WNK2: variants seen among roughly 807,000 people sequenced by gnomAD.
The protein encoded by WNK2 is WNK lysine deficient protein kinase 2.
WNK2 carries 67 observed loss-of-function variants against 192.1 expected under a neutral mutation model. That is an observed-to-expected ratio of 0.35 (90% CI 0.29 to 0.43). WNK2 has a LOEUF of 0.43. WNK2 is among the 20% of genes least tolerant of loss of function. The pLI is 1.00. For synonymous variants in WNK2, 1,439 were observed against 1,393.9 expected, an observed-to-expected ratio of 1.03 and a Z score of -0.72; for missense variants, 2,698 against 3,089.7, an observed-to-expected ratio of 0.87 and a Z score of 3.01.
intron 19 of WNK2, among the ~76,000 whole-genome samples, chr9:93,283,481 C>T (rs1431444782): frequency 6.6e-6 from 1 of 152,068 alleles, no homozygotes; most frequent in Non-Finnish European, 1.5e-5. Context: ...TGCTACAGTC[C>T]TACAAACATT....
intron 2 of WNK2, among the ~76,000 whole-genome samples, chr9:93,209,416 C>T (rs1834080779): frequency 6.6e-6 from 1 of 152,196 alleles, no homozygotes; most frequent in Admixed American, 6.5e-5. Context: ...CACCTCAGCC[C>T]TTGTGTGCCT....
At chr9:93,256,757 A>C (rs757825987) in intron 10 of WNK2, 191 bp from the exon 11 acceptor site, 164 of 688,996 alleles carry the variant, frequency 2.4e-4, no homozygotes, top group Non-Finnish European at 3.5e-4. Context: ...GGCTGGCTGG[A>C]GTTTGGTGAT....
intron 23 of WNK2, among the ~76,000 whole-genome samples, chr9:93,293,968 T>C (rs151229880): frequency 6.6e-6 from 1 of 152,186 alleles, no homozygotes; most frequent in Non-Finnish European, 1.5e-5. Flanking sequence ...CCCTCCTTCT[T>C]TCTCTTCCTC....
At chr9:93,315,422 G>C (rs889700495) in intron 28 of WNK2, 1 of 152,238 alleles carries the variant, frequency 6.6e-6, no homozygotes, top group Admixed American at 6.5e-5. Context: ...GCCTGCCGCT[G>C]TGGGCTCCGT....
intron 12 of WNK2, among the ~76,000 whole-genome samples, chr9:93,260,069 C>T (rs1843972945): frequency 6.6e-6 from 1 of 152,142 alleles, no homozygotes; most frequent in African/African-American, 2.4e-5. Flanking sequence ...GGGGCAGGGG[C>T]TGGGGGCAGA....
chr9:93,189,074 A>G (rs1030786261), intron 2 of WNK2, among the ~76,000 whole-genome samples: 6 of 152,088 alleles, frequency 3.9e-5, no homozygotes, highest in African/African-American at 1.4e-4. Flanking sequence ...GGTTGAGAAA[A>G]CATAGCCAAC....
intron 19 of WNK2, among the ~76,000 whole-genome samples, chr9:93,273,349 G>A (rs1036825372): frequency 1.3e-5 from 2 of 152,156 alleles, no homozygotes; most frequent in Non-Finnish European, 2.9e-5. Flanking sequence ...TAGAGACAGG[G>A]TTTCACCATG....
In WNK2 at chr9:93,288,838, C is replaced by G. The variant is rs778613463; in HGVS notation, c.4084C>G (p.Leu1362Val). ...GTCCTCGAAGGAACAACCCAGCTTT[C>G]TAGCCAGTCAGCAGCTCCTGAGCCA... ...QLSSKEQPSF[L>V]ASQQLLSQAG... The change falls in exon 20 of 30, where the codon CTA becomes GTA. Residue 1362 changes from leucine (L) to valine (V), a missense_variant. Around this residue, in one of 7 missense-constraint regions of WNK2, gnomAD observed 1,098 missense variants for 1,101.0 expected, o/e 1.00. Transcript: ENST00000427277. 6.2e-7 allele frequency: 1 copy of G among 1,612,116 alleles called. No homozygotes were observed. Among genetic ancestry groups the G allele is most frequent in the Non-Finnish European group, 8.5e-7 (1 of 1,179,666 alleles).
In WNK2 at chr9:93,257,054, C is replaced by A; in HGVS notation, c.2297C>A (p.Ala766Asp). Residue 766 changes from alanine to aspartate, a missense_variant, in exon 11 of 30, where the codon GCC (alanine) becomes GAC (aspartate). Transcript: ENST00000427277. This position sits in a 1 kb window ranked among gnomAD's most constrained non-coding sequence, Gnocchi z 4.7. Reference sequence around the variant, plus strand: ...CACCTGCCACCGTACCTGGCTCCAGCCTCCCAGGTGGGGGCCCCCGCTCAG... The same window carrying A: ...CACCTGCCACCGTACCTGGCTCCAGACTCCCAGGTGGGGGCCCCCGCTCAG... ...PPHLPPYLAPASQVGAPAQLK... is the reference protein window; with the variant it reads ...PPHLPPYLAPDSQVGAPAQLK... 1 of 1,605,262 alleles carries A rather than the reference C, an allele frequency of 6.2e-7. No homozygotes were observed.
intron 23 of WNK2, among the ~76,000 whole-genome samples, chr9:93,294,477 G>A (rs1204061644): frequency 6.6e-6 from 1 of 152,316 alleles, no homozygotes; most frequent in East Asian, 1.9e-4. Flanking sequence ...TGGGATAGAG[G>A]GCAGCAGATC....
intron 23 of WNK2, among the ~76,000 whole-genome samples, chr9:93,294,830 G>A (rs1849975974): frequency 6.6e-6 from 1 of 152,096 alleles, no homozygotes; most frequent in African/African-American, 2.4e-5. Flanking sequence ...ACTTCCAGGA[G>A]CCTAAGAACA....
rs1427890886 is a variant in WNK2 at position 93,208,477 on chromosome 9, A to G, written c.682-21219A>G. On this transcript the variant is annotated intron_variant, in intron 2 of 29. Transcript: ENST00000427277. ...CCATGTTTGCATGTTCTCCATGTGC[A>G]TGTGTTCTCTGTGTGCATGTGTGTT... 2.0e-5 allele frequency among the ~76,000 whole-genome samples: 3 copies of G among 151,942 alleles called. No homozygotes were observed. The East Asian group carries it at 5.8e-4, about 29-fold the overall frequency.
chr9:93,239,889 A>G lies in WNK2; in HGVS notation c.1455A>G (p.Lys485=). 6.2e-7 allele frequency: 1 copy of G among 1,610,556 alleles called. No homozygotes were observed. The highest frequency in any genetic ancestry group is 8.5e-7 in the Non-Finnish European group (1 of 1,178,510). The change falls in exon 7 of 30, where the codon AAA becomes AAG. Residue 485 remains lysine (K), a synonymous_variant. Coordinates refer to ENST00000427277, the MANE Select transcript of WNK2 (RefSeq NM_006648.4). The surrounding 1 kb of genome is among the most constrained non-coding windows in gnomAD (Gnocchi z 4.2). Reference sequence around the variant, plus strand: ...GGCTCTGGGTGGAAGACCCCAAGAAACTGAAGGGAAAGCCCAAGGACAATG... The same window carrying G: ...GGCTCTGGGTGGAAGACCCCAAGAAGCTGAAGGGAAAGCCCAAGGACAATG... ...ALRLWVEDPK[K]LKGKPKDNGA...
chr9:93,308,646 G>T (rs2134274891), intron 28 of WNK2, 62 bp downstream of exon 28: 1 of 1,482,744 alleles, frequency 6.7e-7, no homozygotes, highest in Non-Finnish European at 9.0e-7. Context: ...TCCAGCATTT[G>T]CTAGTGCCCT....
intron 26 of WNK2, among the ~76,000 whole-genome samples, chr9:93,305,320 C>A (rs2134194534): frequency 6.6e-6 from 1 of 152,318 alleles, no homozygotes; most frequent in South Asian, 2.1e-4. Flanking sequence ...TCACAGACTT[C>A]AGGGGCCCCT....
chr9:93,268,695 G>A lies in WNK2; in HGVS notation c.3982G>A (p.Glu1328Lys). Residue 1328 changes from glutamate to lysine, a missense_variant, in exon 19 of 30, where the codon GAA (glutamate) becomes AAA (lysine). Transcript: ENST00000427277. ...TGAGCACCCCGCCCCCGAGGCCCCTGAATCTTCGCCCCCACTTCCTCTAAG... is the reference window on the plus strand; with the variant it reads ...TGAGCACCCCGCCCCCGAGGCCCCTAAATCTTCGCCCCCACTTCCTCTAAG... The part of the protein sequence containing the change: ...VAEHPAPEAP[E>K]SSPPLPLSSL... The A allele has an allele frequency of 1.9e-6, 3 of 1,613,490 alleles. No homozygotes were observed. The highest frequency in any genetic ancestry group is 2.5e-6 in the Non-Finnish European group (3 of 1,179,802).
At chr9:93,263,197 G>T in intron 14 of WNK2, 1 of 401,536 alleles carries the variant, frequency 2.5e-6, no homozygotes, top group Non-Finnish European at 4.6e-6. Context: ...GCCTGGGCTT[G>T]GCATTTTGCA....
chr9:93,292,884 A>G lies in WNK2; in HGVS notation c.5419A>G (p.Ser1807Gly). Reference sequence around the variant, plus strand: ...GGTCGGCGTGGGCGAGCCCGTGTCCAGCGACTCTGGGGACGAGGGCCCTCG... The same window carrying G: ...GGTCGGCGTGGGCGAGCCCGTGTCCGGCGACTCTGGGGACGAGGGCCCTCG... ...IEVGVGEPVS[S>G]DSGDEGPRAR... The change falls in exon 23 of 30, where the codon AGC (serine) becomes GGC (glycine). Residue 1807 changes from serine to glycine, a missense_variant. By Grantham distance (56) the Ser-to-Gly change is moderately conservative. Transcript: ENST00000427277. 2 of 1,513,788 alleles carry G rather than the reference A, an allele frequency of 1.3e-6. No individual in the cohort carries two copies. The highest frequency in any genetic ancestry group is 1.8e-6 in the Non-Finnish European group (2 of 1,130,264). 93.8% of individuals were successfully genotyped at this position (1,513,788 alleles called of 1,614,324 possible). A position where few individuals can be genotyped will look rare whatever the true frequency, so the allele number is the denominator to read the frequency against.
At position 93,247,003 on chromosome 9, in the gene WNK2, A is replaced by G. The variant is rs188431492; in HGVS notation, c.1543-540A>G. On this transcript the variant is annotated intron_variant, in intron 7 of 29. Transcript: ENST00000427277. The surrounding 1 kb of genome is among the most constrained non-coding windows in gnomAD (Gnocchi z 5.2). ...TTCGGGCTCTCTTACAAATGCTCTC[A>G]AGGCTGTGCTTGGTAAATCAGTTTT... is the stretch of plus-strand genomic sequence containing the variant. Among the ~76,000 whole-genome samples the G allele has an allele frequency of 5.9e-5, 9 of 152,334 alleles. No individual in the cohort carries two copies. The East Asian group carries it at 1.7e-3, about 29-fold the overall frequency.
Sources: gnomAD v4.1 joint callset for allele counts (sites outside exome capture counted in the v4.1 genomes callset) on GRCh38, gnomAD v4.1.1 for gene constraint, gnomAD v4.1.1 regional missense constraint, Gnocchi (gnomAD v3.1) non-coding constraint, MANE v1.5 for transcripts, NCBI Gene and HGNC (gene_info 2026-07-23, HGNC 2026-07-21) for gene names.